The following SPOCK3 variants were observed in gnomAD, a reference collection of about 807,000 sequenced individuals.
SPOCK3 encodes testican-3.
SPOCK3 carries 30 observed loss-of-function variants against 56.6 expected under a neutral mutation model. That is an observed-to-expected ratio of 0.53 (90% CI 0.40 to 0.72). The LOEUF (loss-of-function observed/expected upper bound fraction) is 0.72. Ranked by LOEUF, SPOCK3 falls within the 30% of genes least tolerant of loss-of-function variation. SPOCK3 has a pLI of 0.00. For missense variants in SPOCK3, 527 were observed against 530.0 expected (o/e 0.99, Z 0.06); for synonymous variants, 196 against 183.3 (o/e 1.07, Z -0.56).
intron 3 of SPOCK3, among the ~76,000 whole-genome samples, chr4:167,045,574 AC>A (rs1159309606): frequency 6.6e-6 from 1 of 151,870 alleles, no homozygotes; most frequent in Non-Finnish European, 1.5e-5. Context: ...AGTAGTTTCT[AC>A]TACTTAAATT....
chr4:167,221,066 GAT>G (rs1478896083), intron 2 of SPOCK3, among the ~76,000 whole-genome samples: 1 of 151,966 alleles, frequency 6.6e-6, no homozygotes, highest in Admixed American at 6.6e-5. Context: ...TATGTCAAAA[GAT>G]AGAAAACCAA....
rs1561352636 is a variant in SPOCK3 at position 167,233,250 on chromosome 4, G to C, written c.189+735C>G. ...CACTAGCTTCAAGTGTGGAAACCTG[G>C]CTCCCTCTTAATAACCCTTTTGAAA... is the stretch of plus-strand genomic sequence containing the variant. On this transcript the variant is annotated intron_variant, in intron 2 of 10. Coordinates refer to ENST00000357545, the MANE Select transcript of SPOCK3 (RefSeq NM_001040159.2). Among the ~76,000 whole-genome samples the C allele has an allele frequency of 2.0e-5, 3 of 152,104 alleles. No homozygotes were observed. In the South Asian group the frequency reaches 6.2e-4, roughly 31 times the overall value.
At chr4:166,862,726 G>A (rs530514537) in intron 6 of SPOCK3, among the ~76,000 whole-genome samples, 1 of 152,046 alleles carries the variant, frequency 6.6e-6, no homozygotes, top group Admixed American at 6.6e-5. Context: ...TAAAAATGAA[G>A]ATTGAACTAA....
chr4:167,063,584 C>T (rs1429703283), intron 2 of SPOCK3, among the ~76,000 whole-genome samples: 4 of 151,870 alleles, frequency 2.6e-5, no homozygotes, highest in Non-Finnish European at 5.9e-5. Flanking sequence ...ACATGAATAT[C>T]ACATAGTGGT....
intron 2 of SPOCK3, among the ~76,000 whole-genome samples, chr4:167,077,805 C>T (rs779772151): frequency 4.6e-5 from 7 of 151,440 alleles, no homozygotes; most frequent in Non-Finnish European, 8.8e-5. Context: ...ATTTATTGCA[C>T]TTATTACCTG....
At chr4:166,954,173 G>A (rs546652261) in intron 4 of SPOCK3, among the ~76,000 whole-genome samples, 11 of 151,988 alleles carry the variant, frequency 7.2e-5, no homozygotes, top group Non-Finnish European at 1.5e-4. Flanking sequence ...TTTATAATAG[G>A]TTGGTGCAAA....
Position 167,183,938 on chromosome 4 carries a change from A to G in SPOCK3, c.189+50047T>C, listed in dbSNP as rs545227332. Reference sequence around the variant, plus strand: ...AGATGGTCATAAAACATTGATTGAAAAACCTTTTTGAATATCATACCAGGA... The same window carrying G: ...AGATGGTCATAAAACATTGATTGAAGAACCTTTTTGAATATCATACCAGGA... On this transcript the variant is annotated intron_variant, in intron 2 of 10. Transcript: ENST00000357545. Among the ~76,000 whole-genome samples the G allele has an allele frequency of 2.6e-5, 4 of 152,308 alleles. No homozygotes were observed. The East Asian group carries it at 7.7e-4, about 29-fold the overall frequency.
intron 3 of SPOCK3, among the ~76,000 whole-genome samples, chr4:167,040,356 C>T (rs562452310): frequency 6.6e-6 from 1 of 152,220 alleles, no homozygotes; most frequent in South Asian, 2.1e-4. Context: ...ATATAAATGA[C>T]TAGCTTTATA....
intron 6 of SPOCK3, among the ~76,000 whole-genome samples, chr4:166,830,924 T>C (rs1233300630): frequency 6.6e-6 from 1 of 152,150 alleles, no homozygotes. Context: ...AAAATGTCAT[T>C]AAAAATTATC....
At chr4:166,778,753 T>C (rs1414608983) in intron 7 of SPOCK3, among the ~76,000 whole-genome samples, 3 of 151,572 alleles carry the variant, frequency 2.0e-5, no homozygotes, top group South Asian at 4.2e-4. Context: ...AGGAAGGGTA[T>C]GAAGAGTTAA....
chr4:167,031,548 G>A (rs1338734502), intron 3 of SPOCK3, among the ~76,000 whole-genome samples: 5 of 151,972 alleles, frequency 3.3e-5, no homozygotes, highest in Admixed American at 3.3e-4. Context: ...GAACAGGGCA[G>A]AAAAGAGAAA....
intron 2 of SPOCK3, among the ~76,000 whole-genome samples, chr4:167,127,406 TG>T (rs1407464229): frequency 6.6e-6 from 1 of 151,840 alleles, no homozygotes; most frequent in Non-Finnish European, 1.5e-5. Flanking sequence ...AAAAGGTTGT[TG>T]GGGAAAAGAT....
chr4:166,860,801 TC>T (rs1731146505), intron 6 of SPOCK3, among the ~76,000 whole-genome samples: 3 of 19,038 alleles, frequency 1.6e-4, no homozygotes, highest in African/African-American at 2.6e-4. Context: ...ACACACAAAT[TC>T]ATATATATAT....
chr4:167,076,964 T>A (rs1275593071), intron 2 of SPOCK3, among the ~76,000 whole-genome samples: 3 of 151,894 alleles, frequency 2.0e-5, no homozygotes, highest in African/African-American at 4.8e-5. Context: ...GCACATGAGA[T>A]TAAAATGAAT....
At chr4:166,930,393 A>T (rs918669531) in intron 4 of SPOCK3, among the ~76,000 whole-genome samples, 1 of 152,128 alleles carries the variant, frequency 6.6e-6, no homozygotes, top group South Asian at 2.1e-4. Context: ...TGATTATGGT[A>T]GTTTCCTCTG....
chr4:166,920,809 TTC>T (rs1738397570), intron 4 of SPOCK3, among the ~76,000 whole-genome samples: 1 of 152,156 alleles, frequency 6.6e-6, no homozygotes, highest in Admixed American at 6.5e-5. Flanking sequence ...TTGTGAAAAA[TTC>T]TTTTAATTTT....
At chr4:166,846,606 G>A (rs558821006) in intron 6 of SPOCK3, among the ~76,000 whole-genome samples, 1 of 152,070 alleles carries the variant, frequency 6.6e-6, no homozygotes, top group African/African-American at 2.4e-5. Flanking sequence ...ATACTTTAAA[G>A]CCTGTTTTTA....
intron 2 of SPOCK3, among the ~76,000 whole-genome samples, chr4:167,196,115 G>C (rs2110885976): frequency 6.6e-6 from 1 of 152,222 alleles, no homozygotes; most frequent in Admixed American, 6.5e-5. Flanking sequence ...TGTATACTCA[G>C]AATGCTTGCA....
chr4:167,036,648 GT>G (rs1561145444), intron 3 of SPOCK3, among the ~76,000 whole-genome samples: 1 of 151,790 alleles, frequency 6.6e-6, no homozygotes, highest in South Asian at 2.1e-4. Context: ...TAAATTCTAT[GT>G]TTTTTTACTC....
Sources: allele counts gnomAD v4.1 joint callset (sites outside exome capture counted in the v4.1 genomes callset), GRCh38; gene constraint gnomAD v4.1.1; transcripts MANE v1.5; gene names NCBI Gene and HGNC (gene_info 2026-07-23, HGNC 2026-07-21).